Variants in KLHL32 observed in about 807,000 individuals in gnomAD.
The protein encoded by KLHL32 is kelch-like protein 32.
Under a neutral mutation model 64.8 loss-of-function variants are expected in KLHL32, and 35 were observed. That is an observed-to-expected ratio of 0.54 (90% CI 0.41 to 0.72). KLHL32 has a LOEUF of 0.72. Ranked by LOEUF, KLHL32 falls within the 30% of genes least tolerant of loss-of-function variation. The pLI is 0.00. For missense variants in KLHL32, 589 were observed against 768.5 expected (o/e 0.77, Z 2.76); for synonymous variants, 259 against 281.0 (o/e 0.92, Z 0.78).
intron 2 of KLHL32, among the ~76,000 whole-genome samples, chr6:96,973,724 G>C (rs1051060574): frequency 3.1e-5 from 2 of 63,704 alleles, no homozygotes; most frequent in Non-Finnish European, 6.5e-5. Context: ...GATCTTTACA[G>C]ATTGCCTTTT....
chr6:97,019,317 A>G (rs190204543), intron 3 of KLHL32, among the ~76,000 whole-genome samples: 234 of 152,318 alleles, frequency 1.5e-3, no homozygotes, highest in African/African-American at 5.3e-3. Flanking sequence ...CCTTGGACCC[A>G]ATAACTGCAG....
At chr6:97,022,222 G>A (rs1297536330) in intron 3 of KLHL32, among the ~76,000 whole-genome samples, 1 of 150,698 alleles carries the variant, frequency 6.6e-6, no homozygotes, top group Non-Finnish European at 1.5e-5. Flanking sequence ...AGTCTTTAAG[G>A]GTACATGATT....
At chr6:96,956,179 C>G (rs989093904) in intron 1 of KLHL32, among the ~76,000 whole-genome samples, 7 of 152,154 alleles carry the variant, frequency 4.6e-5, no homozygotes, top group Non-Finnish European at 1.0e-4. Context: ...TGAGAAAGAC[C>G]TGCCCCCATG....
chr6:97,061,302 A>G (rs1288731938), intron 4 of KLHL32, among the ~76,000 whole-genome samples: 1 of 152,090 alleles, frequency 6.6e-6, no homozygotes, highest in Non-Finnish European at 1.5e-5. Context: ...TGCCCAACCT[A>G]GTTTGGCTTC....
At chr6:97,041,163 CATA>C (rs1785054898) in intron 3 of KLHL32, among the ~76,000 whole-genome samples, 1 of 152,114 alleles carries the variant, frequency 6.6e-6, no homozygotes, top group Non-Finnish European at 1.5e-5. Context: ...GGCATTGCTG[CATA>C]TAACTTGGTA....
chr6:96,977,882 A>G (rs1775882089), intron 3 of KLHL32, among the ~76,000 whole-genome samples: 2 of 152,244 alleles, frequency 1.3e-5, no homozygotes, highest in African/African-American at 4.8e-5. Context: ...TCTAAACTAC[A>G]AAGATGATAC....
At chr6:97,108,884 C>T (rs1310028655) in intron 6 of KLHL32, among the ~76,000 whole-genome samples, 1 of 151,512 alleles carries the variant, frequency 6.6e-6, no homozygotes, top group Non-Finnish European at 1.5e-5. Flanking sequence ...TGGATTTATA[C>T]CTGCTTAAAT....
At chr6:97,071,098 CTCT>C (rs1239109524) in intron 5 of KLHL32, among the ~76,000 whole-genome samples, 3 of 152,096 alleles carry the variant, frequency 2.0e-5, no homozygotes, top group Middle Eastern at 3.4e-3. Flanking sequence ...GCAGGAGACA[CTCT>C]TCTTCATCTC....
chr6:96,967,959 A>G (rs939705177), intron 2 of KLHL32, among the ~76,000 whole-genome samples: 2 of 152,230 alleles, frequency 1.3e-5, no homozygotes, highest in African/African-American at 4.8e-5. Flanking sequence ...GTAAATCTGC[A>G]TCATCCTCTG....
intron 6 of KLHL32, among the ~76,000 whole-genome samples, chr6:97,110,742 T>C (rs998998755): frequency 6.6e-6 from 1 of 152,208 alleles, no homozygotes; most frequent in African/African-American, 2.4e-5. Flanking sequence ...AGCAGGATAT[T>C]TTCCTTGACA....
intron 3 of KLHL32, among the ~76,000 whole-genome samples, chr6:97,000,082 G>A (rs1187187647): frequency 6.6e-6 from 1 of 152,152 alleles, no homozygotes; most frequent in Non-Finnish European, 1.5e-5. Flanking sequence ...AGAAGGAAAA[G>A]TCAAAGATAA....
chr6:97,065,938 T>G (rs1789668175), intron 5 of KLHL32, among the ~76,000 whole-genome samples: 1 of 152,194 alleles, frequency 6.6e-6, no homozygotes, highest in Non-Finnish European at 1.5e-5. Context: ...TTTATGGAAT[T>G]CTTATGATTA....
At chr6:97,118,328 G>A (rs1030737409) in intron 7 of KLHL32, among the ~76,000 whole-genome samples, 2 of 152,052 alleles carry the variant, frequency 1.3e-5, no homozygotes, top group African/African-American at 2.4e-5. Flanking sequence ...CTTGAGAATT[G>A]TAGACAAAGG....
At chr6:96,984,701 C>T (rs988087117) in intron 3 of KLHL32, among the ~76,000 whole-genome samples, 4 of 151,976 alleles carry the variant, frequency 2.6e-5, no homozygotes, top group Non-Finnish European at 1.5e-5. Flanking sequence ...CAACCCCTGC[C>T]TTTTTTTGTT....
At chr6:97,026,320 T>C (rs1032660804) in intron 3 of KLHL32, among the ~76,000 whole-genome samples, 3 of 151,866 alleles carry the variant, frequency 2.0e-5, no homozygotes, top group Admixed American at 1.3e-4. Flanking sequence ...TGCAGTGAGC[T>C]ATGATCATGT....
Position 96,925,195 on chromosome 6 carries a change from T to C in KLHL32, c.-66+169T>C, listed in dbSNP as rs77560221. Among the ~76,000 whole-genome samples, 10 of 152,314 alleles carry C rather than the reference T, an allele frequency of 6.6e-5. No individual in the cohort carries two copies. The East Asian group carries it at 7.7e-4, about 12-fold the overall frequency. On this transcript the variant is annotated intron_variant, in intron 1 of 10. Transcript: ENST00000369261. ...GGGAGCAGCCACTACTCAGGTTACT[T>C]ATGCTGCCAGCCCTGGAGTCGCTCC...
At chr6:97,045,979 A>G (rs1416310516) in intron 4 of KLHL32, among the ~76,000 whole-genome samples, 1 of 152,204 alleles carries the variant, frequency 6.6e-6, no homozygotes, top group Non-Finnish European at 1.5e-5. Context: ...AGTGCCTTTA[A>G]AAAGAAAGAA....
chr6:96,950,735 T>C (rs985360094), intron 1 of KLHL32, among the ~76,000 whole-genome samples: 1 of 152,354 alleles, frequency 6.6e-6, no homozygotes, highest in East Asian at 1.9e-4. Context: ...AGAATTAGCA[T>C]GTTCGTCACA....
intron 3 of KLHL32, among the ~76,000 whole-genome samples, chr6:96,989,369 C>A (rs1361843734): frequency 6.6e-6 from 1 of 152,170 alleles, no homozygotes; most frequent in African/African-American, 2.4e-5. Flanking sequence ...CTGAGTTTGG[C>A]TGGATATGAA....
Sources: gnomAD v4.1 joint callset for allele counts (sites outside exome capture counted in the v4.1 genomes callset) on GRCh38, gnomAD v4.1.1 for gene constraint, MANE v1.5 for transcripts, NCBI Gene and HGNC (gene_info 2026-07-23, HGNC 2026-07-21) for gene names.